CFTR: variants seen among roughly 807,000 people sequenced by gnomAD.
The protein encoded by CFTR is CF transmembrane conductance regulator, also known as cystic fibrosis transmembrane conductance regulator.
Under a neutral mutation model 171.6 loss-of-function variants are expected in CFTR, and 181 were observed. The observed-to-expected ratio is 1.05, with a 90% CI of 0.93 to 1.19. CFTR has a LOEUF of 1.19. Ranked by LOEUF, CFTR falls within the 50% of genes most tolerant of loss-of-function variation. The pLI is 0.00. For synonymous variants in CFTR, 583 were observed against 608.0 expected (o/e 0.96, Z 0.60); for missense variants, 1,968 against 1,734.7 (o/e 1.13, Z -2.39).
chr7:117,545,306 G>A (rs540748660), intron 9 of CFTR, among the ~76,000 whole-genome samples: 8 of 152,112 alleles, frequency 5.3e-5, no homozygotes, highest in Non-Finnish European at 1.2e-4. Flanking sequence ...GGGAATTATG[G>A]GAGCTATAAT....
At chr7:117,555,898 T>A (rs1489300938) in intron 10 of CFTR, among the ~76,000 whole-genome samples, 2 of 152,182 alleles carry the variant, frequency 1.3e-5, no homozygotes, top group African/African-American at 2.4e-5. Context: ...GTAGTTAAGT[T>A]TTTGTGGAGT....
intron 1 of CFTR, among the ~76,000 whole-genome samples, chr7:117,486,193 G>A (rs143566504): frequency 1.5e-3 from 226 of 152,272 alleles, no homozygotes; most frequent in African/African-American, 5.1e-3. Flanking sequence ...GACTACTCAG[G>A]CCTGAAGCTA....
chr7:117,576,614 T>C (rs766433153), intron 11 of CFTR, among the ~76,000 whole-genome samples: 46 of 152,236 alleles, frequency 3.0e-4, no homozygotes, highest in Middle Eastern at 3.4e-3. Context: ...AATAACTTTA[T>C]TATTTAACTT....
chr7:117,659,880 C>T (rs1270842501), intron 24 of CFTR, among the ~76,000 whole-genome samples: 1 of 152,142 alleles, frequency 6.6e-6, no homozygotes, highest in East Asian at 1.9e-4. Flanking sequence ...ATAACTGCCA[C>T]TTATGGATTA....
At chr7:117,480,986 A>G (rs1184735427) in intron 1 of CFTR, among the ~76,000 whole-genome samples, 1 of 152,216 alleles carries the variant, frequency 6.6e-6, no homozygotes, top group Non-Finnish European at 1.5e-5. Flanking sequence ...GTGTGAATGA[A>G]TGAATAGGTA....
At chr7:117,555,896 G>A (rs1052247368) in intron 10 of CFTR, among the ~76,000 whole-genome samples, 1 of 152,148 alleles carries the variant, frequency 6.6e-6, no homozygotes, top group Non-Finnish European at 1.5e-5. Flanking sequence ...TAGTAGTTAA[G>A]TTTTTGTGGA....
intron 11 of CFTR, among the ~76,000 whole-genome samples, chr7:117,584,929 TG>T (rs765771204): frequency 1.7e-5 from 2 of 118,990 alleles, no homozygotes; most frequent in African/African-American, 8.6e-5. Context: ...TTTTTTTTTT[TG>T]TTTGTTTTGT....
chr7:117,532,693 C>T (rs1358749877), intron 4 of CFTR, among the ~76,000 whole-genome samples: 2 of 152,042 alleles, frequency 1.3e-5, no homozygotes, highest in Non-Finnish European at 2.9e-5. Flanking sequence ...GCTTTCAGAC[C>T]CAGCTGCATT....
intron 15 of CFTR, among the ~76,000 whole-genome samples, chr7:117,595,854 C>G (rs1792113438): frequency 6.6e-6 from 1 of 152,092 alleles, no homozygotes; most frequent in East Asian, 1.9e-4. Context: ...CCATTGCATT[C>G]CAGCCTGGGT....
chr7:117,610,435 A>G lies in CFTR; in HGVS notation c.2989-84A>G, dbSNP rs950705382. ...GGTGTTTAAAGTATGCAAAAAAAAA[A>G]AAAGAAATAAATCACTGACACACTT... On this transcript the variant is annotated intron_variant, in intron 18 of 26. Coordinates refer to ENST00000003084, the MANE Select transcript of CFTR (RefSeq NM_000492.4). 2.3e-5 allele frequency: 30 copies of G among 1,290,380 alleles called. No homozygotes were observed. In the African/African-American group the frequency reaches 4.0e-4, roughly 17 times the overall value. The allele number at this position is 1,290,380 out of a possible 1,614,324, so 79.9% of individuals were successfully genotyped here.
chr7:117,499,989 C>T (rs1211616553), intron 1 of CFTR, among the ~76,000 whole-genome samples: 1 of 152,024 alleles, frequency 6.6e-6, no homozygotes, highest in Non-Finnish European at 1.5e-5. Context: ...AAGGCAGAGC[C>T]GAGTTTATTG....
At chr7:117,513,072 G>T (rs552527709) in intron 3 of CFTR, among the ~76,000 whole-genome samples, 4 of 152,258 alleles carry the variant, frequency 2.6e-5, no homozygotes, top group African/African-American at 9.6e-5. Context: ...TGGGGCTAAG[G>T]TCTTTGGCCC....
chr7:117,547,187 T>G (rs912938654), intron 9 of CFTR, among the ~76,000 whole-genome samples: 46 of 152,292 alleles, frequency 3.0e-4, no homozygotes, highest in African/African-American at 1.0e-3. Flanking sequence ...TCAAGCATGA[T>G]TGTTTATGTA....
intron 1 of CFTR, among the ~76,000 whole-genome samples, chr7:117,480,873 G>A (rs1262471427): frequency 6.6e-6 from 1 of 152,136 alleles, no homozygotes; most frequent in Non-Finnish European, 1.5e-5. Flanking sequence ...TTTTAAAATA[G>A]CATCTAAGTT....
At position 117,559,566 on chromosome 7, in the gene CFTR, C is replaced by T. The variant is rs397508219; in HGVS notation, c.1495C>T (p.Pro499Ser). The change falls in exon 11 of 27, where the codon CCT becomes TCT. Residue 499 changes from proline (P) to serine (S), a missense_variant. By Grantham distance (74) the Pro-to-Ser change is moderately conservative (BLOSUM62 -1). Coordinates refer to ENST00000003084, the MANE Select transcript of CFTR (RefSeq NM_000492.4). ...CTGTTCTCAGTTTTCCTGGATTATGCCTGGCACCATTAAAGAAAATATCAT... is the reference window on the plus strand; with the variant it reads ...CTGTTCTCAGTTTTCCTGGATTATGTCTGGCACCATTAAAGAAAATATCAT... The part of the protein sequence containing the change: ...SFCSQFSWIM[P>S]GTIKENIIFG... 1.4e-5 allele frequency: 22 copies of T among 1,611,736 alleles called. No homozygotes were observed. The highest frequency in any genetic ancestry group is 1.6e-5 in the Non-Finnish European group (19 of 1,178,206).
Position 117,558,382 on chromosome 7 carries a change from G to A in CFTR, c.1393-1082G>A, listed in dbSNP as rs34966030. Among the ~76,000 whole-genome samples the A allele has an allele frequency of 5.4e-3, 821 of 151,924 alleles. 7 individuals carry two copies. Among genetic ancestry groups the A allele is most frequent in the African/African-American group, 0.018 (765 of 41,436 alleles). ...ATCCTGGCTAACACAGTGAAACTCC[G>A]TCTCTACTAAAAATACAAAAAATTA... On this transcript the variant is annotated intron_variant, in intron 10 of 26. Coordinates refer to ENST00000003084, the MANE Select transcript of CFTR (RefSeq NM_000492.4).
intron 3 of CFTR, among the ~76,000 whole-genome samples, chr7:117,519,920 G>A (rs1798660514): frequency 6.6e-6 from 1 of 151,814 alleles, no homozygotes; most frequent in Non-Finnish European, 1.5e-5. Flanking sequence ...CTCTACCTAA[G>A]TGTAAAAATA....
chr7:117,591,111 A>G (rs1257373413), intron 13 of CFTR, among the ~76,000 whole-genome samples: 1 of 152,158 alleles, frequency 6.6e-6, no homozygotes, highest in Non-Finnish European at 1.5e-5. Flanking sequence ...ATAAAGATGT[A>G]TATGTATATA....
chr7:117,561,249 G>A (rs1465491192), intron 11 of CFTR, among the ~76,000 whole-genome samples: 1 of 152,010 alleles, frequency 6.6e-6, no homozygotes, highest in African/African-American at 2.4e-5. Context: ...TGTGTGGTAT[G>A]TGAATCATAT....
Sources: gnomAD v4.1 joint callset for allele counts (sites outside exome capture counted in the v4.1 genomes callset) on GRCh38, gnomAD v4.1.1 for gene constraint, MANE v1.5 for transcripts, NCBI Gene and HGNC (gene_info 2026-07-23, HGNC 2026-07-21) for gene names.